MICAL3: variants seen among roughly 807,000 people sequenced by gnomAD.
MICAL3 encodes the protein microtubule associated monooxygenase, calponin and LIM domain containing 3.
A neutral mutation model predicts 207.4 loss-of-function variants in MICAL3; 62 were observed. The ratio of observed to expected loss-of-function variants is 0.30; its 90% CI spans 0.24 to 0.37. MICAL3 has a LOEUF of 0.37. Among genes scored for constraint, MICAL3 ranks in the 10% least tolerant of loss-of-function variants. The pLI, the probability that MICAL3 is intolerant of heterozygous loss-of-function variation, is 1.00. For missense variants in MICAL3, 2,368 were observed against 2,635.6 expected (o/e 0.90, Z 2.22); for synonymous variants, 1,077 against 1,069.3 (o/e 1.01, Z -0.14).
At chr22:17,871,385 T>C (rs1300105417) in intron 17 of MICAL3, among the ~76,000 whole-genome samples, 2 of 152,184 alleles carry the variant, frequency 1.3e-5, no homozygotes. Context: ...ACGGGCCACC[T>C]TGCAGACATC....
intron 19 of MICAL3, chr22:17,862,660 G>GGGTATC: frequency 1.0e-6 from 1 of 985,262 alleles, no homozygotes; most frequent in Non-Finnish European, 1.2e-6. Context: ...AAGGAGAAAA[G>GGGTATC]GGTATCTATT....
At chr22:17,976,741 A>G (rs1341805073) in intron 1 of MICAL3, among the ~76,000 whole-genome samples, 1 of 149,812 alleles carries the variant, frequency 6.7e-6, no homozygotes. Context: ...TATAACAGTC[A>G]CCAAACATAA....
intron 18 of MICAL3, among the ~76,000 whole-genome samples, chr22:17,865,335 C>T (rs375507371): frequency 1.3e-5 from 2 of 152,150 alleles, no homozygotes; most frequent in African/African-American, 4.8e-5. Context: ...GACAGGCAGG[C>T]GTGCTGACAA....
At chr22:17,851,392 T>C (rs1925322309) in intron 19 of MICAL3, among the ~76,000 whole-genome samples, 1 of 152,128 alleles carries the variant, frequency 6.6e-6, no homozygotes, top group Non-Finnish European at 1.5e-5. Flanking sequence ...TTAGGGCATC[T>C]CTCCCCTTCT....
At chr22:17,969,977 G>C (rs1397158934) in intron 1 of MICAL3, among the ~76,000 whole-genome samples, 1 of 152,236 alleles carries the variant, frequency 6.6e-6, no homozygotes, top group African/African-American at 2.4e-5. Flanking sequence ...AGGGCACTCT[G>C]AGGCCACATA....
At chr22:18,010,442 C>G (rs1029291645) in intron 1 of MICAL3, among the ~76,000 whole-genome samples, 2 of 152,136 alleles carry the variant, frequency 1.3e-5, no homozygotes, top group African/African-American at 4.8e-5. Context: ...AACAATAGTG[C>G]AGGGAAAGTG....
At position 17,818,143 on chromosome 22, in the gene MICAL3, T is replaced by G; in HGVS notation, c.4518A>C (p.Arg1506Ser). The change falls in exon 26 of 32, where the codon AGA becomes AGC. Residue 1506 changes from arginine (R) to serine (S), a missense_variant. Physicochemically the swap from Arg to Ser is moderately radical, Grantham distance 110. Around this residue, in one of 4 missense-constraint regions of MICAL3, gnomAD observed 1,770 missense variants for 1,863.2 expected, o/e 0.95. Coordinates refer to ENST00000441493, the MANE Select transcript of MICAL3 (RefSeq NM_015241.3). ...RPPREPAQPP[R>S]EEVRKSFVES... is the part of the protein sequence containing the mutation. ...CCACAAACGACTTCCGCACCTCCTCTCTGGGGGGCTGAGCAGGCTCCCGGG... is the reference window on the plus strand; with the variant it reads ...CCACAAACGACTTCCGCACCTCCTCGCTGGGGGGCTGAGCAGGCTCCCGGG... 1 of 1,606,854 alleles carries G rather than the reference T, an allele frequency of 6.2e-7. No individual in the cohort carries two copies. Among genetic ancestry groups the G allele is most frequent in the Non-Finnish European group, 8.5e-7 (1 of 1,177,484 alleles).
intron 19 of MICAL3, chr22:17,861,759 AAG>A: frequency 2.0e-6 from 2 of 985,430 alleles, no homozygotes; most frequent in African/African-American, 3.5e-5. Context: ...AAGAACAAAA[AAG>A]AGGATTTCTA....
chr22:17,876,196 G>C (rs536127349), intron 16 of MICAL3, among the ~76,000 whole-genome samples: 1 of 152,254 alleles, frequency 6.6e-6, no homozygotes, highest in Admixed American at 6.5e-5. Context: ...ACAAAACTGG[G>C]CAAGGGTCTC....
chr22:17,992,418 G>A (rs1335878634), intron 1 of MICAL3, among the ~76,000 whole-genome samples: 5 of 152,186 alleles, frequency 3.3e-5, no homozygotes, highest in African/African-American at 7.2e-5. Flanking sequence ...AGCACTCTAC[G>A]TCCAGGGCTT....
chr22:17,922,254 A>ATGTT (rs1305022444), intron 1 of MICAL3, among the ~76,000 whole-genome samples: 1 of 152,198 alleles, frequency 6.6e-6, no homozygotes, highest in Admixed American at 6.5e-5. Flanking sequence ...ATTCACGTTC[A>ATGTT]TGTTTGCACG....
intron 20 of MICAL3, among the ~76,000 whole-genome samples, chr22:17,837,063 CCCTGA>C (rs1368505672): frequency 6.6e-6 from 1 of 152,240 alleles, no homozygotes; most frequent in African/African-American, 2.4e-5. Flanking sequence ...AGGTTCCCTT[CCCTGA>C]CAACTGTGCA....
At chr22:17,976,355 C>T (rs190355308) in intron 1 of MICAL3, among the ~76,000 whole-genome samples, 18 of 152,088 alleles carry the variant, frequency 1.2e-4, no homozygotes, top group African/African-American at 4.3e-4. Context: ...GGAAACAGCA[C>T]TGCCCGATTT....
chr22:17,874,782 G>C (rs141326824), intron 16 of MICAL3, among the ~76,000 whole-genome samples: 1 of 152,198 alleles, frequency 6.6e-6, no homozygotes, highest in South Asian at 2.1e-4. Flanking sequence ...AGTAGGAGCG[G>C]CAAAGAGACC....
At chr22:17,955,455 T>C (rs439712) in intron 1 of MICAL3, among the ~76,000 whole-genome samples, 91,911 of 152,046 alleles carry the variant, frequency 0.6, 28,681 homozygotes, top group Middle Eastern at 0.77. Flanking sequence ...CAGGAGGGGA[T>C]GTAGCTATCA....
At chr22:17,950,325 C>T (rs1041326592) in intron 1 of MICAL3, among the ~76,000 whole-genome samples, 31 of 138,694 alleles carry the variant, frequency 2.2e-4, no homozygotes, top group African/African-American at 6.1e-4. Flanking sequence ...CCACATCTGG[C>T]GTTTTGTTTT....
In MICAL3 at chr22:17,822,146, G is replaced by A. The variant is rs777672489; in HGVS notation, c.3332C>T (p.Ser1111Leu). 15 of 1,613,616 alleles carry A rather than the reference G, an allele frequency of 9.3e-6. No individual in the cohort carries two copies. The highest frequency in any genetic ancestry group is 2.7e-5 in the African/African-American group (2 of 74,952). The change falls in exon 24 of 32, where the codon TCG becomes TTG. Residue 1111 changes from serine (S) to leucine (L), a missense_variant. By Grantham distance (145) the Ser-to-Leu change is moderately radical (BLOSUM62 -2). This residue lies in a region of MICAL3 where 1,770 missense variants were observed against 1,863.2 expected (regional missense o/e 0.95). Coordinates refer to ENST00000441493, the MANE Select transcript of MICAL3 (RefSeq NM_015241.3). ...CAAACGCAGCTCTCTGTCAGCATCC[G>A]ACGGGCTGTCAGACCAGTGCTGATC... is the stretch of plus-strand genomic sequence containing the variant. Reference protein sequence around the residue: ...DDDQHWSDSPSDADRELRLPC... With the variant: ...DDDQHWSDSPLDADRELRLPC...
chr22:17,909,504 G>A (rs760295871), intron 1 of MICAL3, among the ~76,000 whole-genome samples: 2 of 152,200 alleles, frequency 1.3e-5, no homozygotes, highest in Non-Finnish European at 2.9e-5. Flanking sequence ...CAGCCTCAGC[G>A]ACAGAGTGAG....
chr22:17,883,002 C>T (rs1307056022), intron 16 of MICAL3, among the ~76,000 whole-genome samples: 1 of 152,216 alleles, frequency 6.6e-6, no homozygotes, highest in Non-Finnish European at 1.5e-5. Context: ...TGTTCCCCCA[C>T]TCGCCTATGT....
Sources: gnomAD v4.1 joint callset for allele counts (sites outside exome capture counted in the v4.1 genomes callset) on GRCh38, gnomAD v4.1.1 for gene constraint, gnomAD v4.1.1 regional missense constraint, MANE v1.5 for transcripts, NCBI Gene and HGNC (gene_info 2026-07-23, HGNC 2026-07-21) for gene names.